Variants in ROCK2 observed in about 807,000 individuals in gnomAD.
The protein encoded by ROCK2 is rho-associated protein kinase 2.
Under a neutral mutation model 195.1 loss-of-function variants are expected in ROCK2, and 61 were observed. The ratio of observed to expected loss-of-function variants is 0.31; its 90% CI spans 0.25 to 0.39. ROCK2 has a LOEUF of 0.39. Ranked by LOEUF, ROCK2 falls within the 10% of genes least tolerant of loss-of-function variation. ROCK2 has a pLI of 1.00. For synonymous variants in ROCK2, 504 were observed against 545.5 expected (o/e 0.92, Z 1.06); for missense variants, 1,109 against 1,637.4 (o/e 0.68, Z 5.57).
chr2:11,205,097 T>A (rs13384804), intron 20 of ROCK2, among the ~76,000 whole-genome samples: 218 of 152,174 alleles, frequency 1.4e-3, no homozygotes, highest in African/African-American at 5.0e-3. Flanking sequence ...AATGCCAGAG[T>A]GAGAAAGGCT....
intron 3 of ROCK2, among the ~76,000 whole-genome samples, chr2:11,256,592 T>C (rs1666043945): frequency 6.7e-6 from 1 of 150,118 alleles, no homozygotes; most frequent in Non-Finnish European, 1.5e-5. Flanking sequence ...TATAAATATA[T>C]ACATAAGTTA....
Position 11,218,985 on chromosome 2 carries a change from A to G in ROCK2, c.1301T>C (p.Ile434Thr). The G allele has an allele frequency of 6.8e-7, 1 of 1,475,476 alleles. No individual in the cohort carries two copies. The highest frequency in any genetic ancestry group is 9.3e-7 in the Non-Finnish European group (1 of 1,076,192). 91.4% of individuals were successfully genotyped at this position (1,475,476 alleles called of 1,614,324 possible). The change falls in exon 10 of 33, where the codon ATA (isoleucine) becomes ACA (threonine). Residue 434 changes from isoleucine to threonine, a missense_variant. Transcript: ENST00000315872. ...DSPSCRETDS[I>T]QSRKNEESQE... The stretch of plus-strand genomic sequence containing the variant: ...ACGTACTTCATTTTTCCTTGATTGT[A>G]TGGAATCAGTTTCTCTACAAGATGG...
chr2:11,295,123 C>T (rs946184987), intron 1 of ROCK2, among the ~76,000 whole-genome samples: 7 of 89,016 alleles, frequency 7.9e-5, no homozygotes, highest in African/African-American at 2.1e-4. Context: ...TATAAATCAA[C>T]AATTTTATCT....
chr2:11,229,543 C>A (rs1664927959), intron 5 of ROCK2, among the ~76,000 whole-genome samples: 1 of 146,548 alleles, frequency 6.8e-6, no homozygotes, highest in Non-Finnish European at 1.5e-5. Flanking sequence ...CTCCTAAAAC[C>A]AGAGGAAACT....
At position 11,180,962 on chromosome 2, in the gene ROCK2, G is replaced by T. The variant is rs938847632; in HGVS notation, c.*2475C>A. 1 of 151,878 alleles carries T rather than the reference G, an allele frequency of 6.6e-6. No homozygotes were observed. Among genetic ancestry groups the T allele is most frequent in the Non-Finnish European group, 1.5e-5 (1 of 67,976 alleles). 9.4% of individuals were successfully genotyped at this position (151,878 alleles called of 1,614,324 possible). On this transcript the variant is annotated 3_prime_UTR_variant, in exon 33 of 33. Transcript: ENST00000315872. ...CTTATGTCAAACCATATAATGTGAA[G>T]AATCTCCATGGGAGAGATTTTTTTT...
intron 5 of ROCK2, among the ~76,000 whole-genome samples, chr2:11,229,378 AT>A (rs1664921409): frequency 6.6e-6 from 1 of 152,128 alleles, no homozygotes; most frequent in African/African-American, 2.4e-5. Flanking sequence ...CCCTGTTTAA[AT>A]GAACTGTGAG....
chr2:11,286,141 C>T (rs1289612050), intron 3 of ROCK2, among the ~76,000 whole-genome samples: 5 of 148,548 alleles, frequency 3.4e-5, no homozygotes, highest in African/African-American at 1.2e-4. Flanking sequence ...CAATTGGTAC[C>T]AGTATGGCCT....
At chr2:11,322,791 C>G (rs1434467515) in intron 1 of ROCK2, among the ~76,000 whole-genome samples, 1 of 152,166 alleles carries the variant, frequency 6.6e-6, no homozygotes, top group Non-Finnish European at 1.5e-5. Context: ...TGGGATACCA[C>G]AGTTGTGAAG....
chr2:11,305,658 G>A (rs1263308545), intron 1 of ROCK2, among the ~76,000 whole-genome samples: 4 of 152,164 alleles, frequency 2.6e-5, no homozygotes, highest in African/African-American at 9.7e-5. Flanking sequence ...GTAGGAAAAT[G>A]ATAAGATGAG....
chr2:11,343,863 C>T (rs777339268), intron 1 of ROCK2, 133 bp downstream of exon 1: 8 of 1,174,976 alleles, frequency 6.8e-6, no homozygotes, highest in Non-Finnish European at 8.1e-6. Flanking sequence ...TCTCCGGCCC[C>T]GGCTGCCGGA....
intron 5 of ROCK2, among the ~76,000 whole-genome samples, chr2:11,232,238 C>T (rs1665042051): frequency 6.6e-6 from 1 of 152,042 alleles, no homozygotes; most frequent in African/African-American, 2.4e-5. Flanking sequence ...AAGCAATTCT[C>T]ATGCCTCAGC....
chr2:11,269,038 T>A (rs146825899), intron 3 of ROCK2, among the ~76,000 whole-genome samples: 1 of 152,328 alleles, frequency 6.6e-6, no homozygotes, highest in Non-Finnish European at 1.5e-5. Context: ...ATCTGCCCCT[T>A]TGACTCCTTT....
chr2:11,256,165 T>G (rs1269985299), intron 3 of ROCK2, among the ~76,000 whole-genome samples: 1 of 151,186 alleles, frequency 6.6e-6, no homozygotes, highest in African/African-American at 2.5e-5. Flanking sequence ...CATACTTATA[T>G]ATAATAATTA....
chr2:11,342,283 T>C (rs1050103707), intron 1 of ROCK2, among the ~76,000 whole-genome samples: 1 of 152,214 alleles, frequency 6.6e-6, no homozygotes, highest in Non-Finnish European at 1.5e-5. Context: ...AATAAAAGTG[T>C]GTTTTGGCTG....
intron 1 of ROCK2, chr2:11,308,920 T>A: frequency 6.2e-7 from 1 of 1,611,976 alleles, no homozygotes; most frequent in Non-Finnish European, 8.5e-7. Context: ...TTCATCTACA[T>A]CAAACTTTGC....
At chr2:11,331,031 A>G (rs1182582454) in intron 1 of ROCK2, among the ~76,000 whole-genome samples, 9 of 97,476 alleles carry the variant, frequency 9.2e-5, no homozygotes, top group South Asian at 4.8e-4. Flanking sequence ...AGGGAGGAGG[A>G]GGGAGGAGGA....
intron 32 of ROCK2, among the ~76,000 whole-genome samples, chr2:11,190,338 G>A (rs957263377): frequency 2.7e-5 from 4 of 145,998 alleles, no homozygotes; most frequent in Non-Finnish European, 6.0e-5. Flanking sequence ...AATGAAGAAT[G>A]ATTCACAGGG....
chr2:11,212,490 G>A (rs1411599808), intron 17 of ROCK2, among the ~76,000 whole-genome samples: 1 of 151,752 alleles, frequency 6.6e-6, no homozygotes, highest in Non-Finnish European at 1.5e-5. Context: ...TGGCATTGCC[G>A]ACCTTGTACT....
intron 17 of ROCK2, 37 bp from the exon 18 acceptor site, chr2:11,211,877 G>C (rs753711244): frequency 1.3e-5 from 19 of 1,466,528 alleles, no homozygotes; most frequent in Middle Eastern, 3.7e-4. Context: ...CAACAAAAAA[G>C]AGACTAGCTC....
Sources: gnomAD v4.1 joint callset for allele counts (sites outside exome capture counted in the v4.1 genomes callset) on GRCh38, gnomAD v4.1.1 for gene constraint, MANE v1.5 for transcripts, NCBI Gene and HGNC (gene_info 2026-07-23, HGNC 2026-07-21) for gene names.